Variants in GPM6B observed in about 807,000 individuals in gnomAD.
GPM6B encodes neuronal membrane glycoprotein M6-b.
Under a neutral mutation model 27.2 loss-of-function variants are expected in GPM6B, and 4 were observed. That is an observed-to-expected ratio of 0.15 (90% CI 0.07 to 0.34). The LOEUF (loss-of-function observed/expected upper bound fraction) is 0.34. Among genes scored for constraint, GPM6B ranks in the 10% least tolerant of loss-of-function variants. The pLI is 1.00. For synonymous variants in GPM6B, 124 were observed against 103.1 expected, an observed-to-expected ratio of 1.20 and a Z score of -1.23; for missense variants, 183 against 261.9, an observed-to-expected ratio of 0.70 and a Z score of 2.08.
In GPM6B at chrX:13,811,470, A is replaced by G. The variant is rs188616276; in HGVS notation, c.62-3701T>C. 1.1e-3 allele frequency among the ~76,000 whole-genome samples: 121 copies of G among 112,171 alleles called. 1 individual carries two copies. Among genetic ancestry groups the G allele is most frequent in the African/African-American group, 3.7e-3 (114 of 30,688 alleles). On this transcript the variant is annotated intron_variant, in intron 1 of 7. Coordinates refer to ENST00000316715, the MANE Select transcript of GPM6B (RefSeq NM_001001995.3). ...GCTATATTTGTTATCTTTCATTTTTAGCTATTATTTAAAATATTAAGGAAT... is the reference window on the plus strand; with the variant it reads ...GCTATATTTGTTATCTTTCATTTTTGGCTATTATTTAAAATATTAAGGAAT...
intron 1 of GPM6B, among the ~76,000 whole-genome samples, chrX:13,829,286 C>T (rs983153580): frequency 9.0e-6 from 1 of 111,521 alleles, no homozygotes; most frequent in African/African-American, 3.3e-5. Context: ...CTTATGATAC[C>T]ATGTGACCTT....
chrX:13,891,588 G>A (rs760650793), intron 1 of GPM6B, among the ~76,000 whole-genome samples: 45 of 112,563 alleles, frequency 4.0e-4, no homozygotes, highest in Non-Finnish European at 5.6e-4. Flanking sequence ...GTCTGAGCTT[G>A]CAGTCCCCAA....
intron 1 of GPM6B, among the ~76,000 whole-genome samples, chrX:13,825,186 C>A (rs2049358350): frequency 9.0e-6 from 1 of 111,364 alleles, no homozygotes; most frequent in Non-Finnish European, 1.9e-5. Flanking sequence ...GTTAGGACTT[C>A]AACATATTTT....
At chrX:13,782,104 G>A (rs1336663791) in intron 4 of GPM6B, among the ~76,000 whole-genome samples, 5 of 112,162 alleles carry the variant, frequency 4.5e-5, no homozygotes, top group Admixed American at 9.4e-5. Context: ...TCTGTTAAGC[G>A]TATGGATGAA....
intron 1 of GPM6B, among the ~76,000 whole-genome samples, chrX:13,889,291 T>A (rs574439874): frequency 5.4e-5 from 6 of 111,744 alleles, no homozygotes; most frequent in East Asian, 2.8e-4. Context: ...TAAATACAAA[T>A]GTGTGGATAA....
chrX:13,916,285 T>C (rs2050427710), intron 1 of GPM6B, among the ~76,000 whole-genome samples: 1 of 112,235 alleles, frequency 8.9e-6, no homozygotes, highest in Non-Finnish European at 1.9e-5. Context: ...GTTCTCTTCC[T>C]ACACTGTCCC....
At position 13,796,265 on chromosome X, in the gene GPM6B, C is replaced by T. The variant is rs776635027; in HGVS notation, c.182-10457G>A. 9.0e-5 allele frequency among the ~76,000 whole-genome samples: 10 copies of T among 111,276 alleles called. No individual in the cohort carries two copies. In the East Asian group the frequency reaches 2.8e-3, roughly 31 times the overall value. On this transcript the variant is annotated intron_variant, in intron 2 of 7. Transcript: ENST00000316715. ...TGTATTTTCAGTAGAGATGGGGTTT[C>T]GCCATGTTGACCAGGCTGGTTTTGA...
chrX:13,896,757 G>A (rs1266083282), intron 1 of GPM6B, among the ~76,000 whole-genome samples: 3 of 110,463 alleles, frequency 2.7e-5, no homozygotes, highest in Non-Finnish European at 5.7e-5. Flanking sequence ...TAGTAGAGAC[G>A]GGGTTTCACC....
At chrX:13,930,373 G>C (rs958753549) in intron 1 of GPM6B, among the ~76,000 whole-genome samples, 91 of 111,640 alleles carry the variant, frequency 8.2e-4, no homozygotes, top group African/African-American at 2.7e-3. Flanking sequence ...CCAGCACTTT[G>C]GGAGGCCGAG....
intron 1 of GPM6B, among the ~76,000 whole-genome samples, chrX:13,932,251 T>A (rs780516511): frequency 3.6e-5 from 4 of 111,410 alleles, no homozygotes; most frequent in Non-Finnish European, 5.7e-5. Flanking sequence ...TTTACACATT[T>A]GTATCCAGGG....
chrX:13,863,449 G>A (rs2049875275), intron 1 of GPM6B, among the ~76,000 whole-genome samples: 1 of 111,536 alleles, frequency 9.0e-6, no homozygotes, highest in South Asian at 3.7e-4. Context: ...TGAAAACTAT[G>A]CTTGAAGACA....
upstream of GPM6B, among the ~76,000 whole-genome samples, chrX:13,818,383 G>A (rs1569233329): frequency 1.8e-5 from 2 of 111,252 alleles, no homozygotes; most frequent in African/African-American, 3.3e-5. Context: ...ATGGTTTCTT[G>A]CTCAACTCCT....
At chrX:13,927,753 C>G (rs992522318) in intron 1 of GPM6B, among the ~76,000 whole-genome samples, 13 of 112,779 alleles carry the variant, frequency 1.2e-4, no homozygotes, top group African/African-American at 3.9e-4. Context: ...GTATGCAACA[C>G]TTACAGCTTT....
At chrX:13,794,674 G>A (rs1478489634) in intron 2 of GPM6B, among the ~76,000 whole-genome samples, 3 of 111,917 alleles carry the variant, frequency 2.7e-5, no homozygotes, top group East Asian at 2.8e-4. Context: ...ACTACCACGC[G>A]CTCGCAAGAA....
rs200354374 is a variant in GPM6B, at chrX:13,836,552, CTA to C, written c.-197-50746_-197-50745del. On this transcript the variant is annotated intron_variant, in intron 1 of 6. Coordinates refer to the GPM6B transcript ENST00000398361. ...TTTAGAGTCAAGAGAAGCAAAGATG[CTA>C]TGTTTATTTATTTATGTATTTATTT... 6.6e-3 allele frequency among the ~76,000 whole-genome samples: 743 copies of C among 112,231 alleles called. 9 individuals carry two copies. The highest frequency in any genetic ancestry group is 0.022 in the African/African-American group (685 of 30,936).
intron 1 of GPM6B, among the ~76,000 whole-genome samples, chrX:13,906,860 C>A (rs1223478260): frequency 9.0e-6 from 1 of 111,697 alleles, no homozygotes; most frequent in Non-Finnish European, 1.9e-5. Context: ...CTCAACAGAT[C>A]CCTCTTTTAC....
intron 1 of GPM6B, among the ~76,000 whole-genome samples, chrX:13,809,888 G>C (rs1210935957): frequency 1.1e-5 from 1 of 87,129 alleles, no homozygotes; most frequent in Admixed American, 1.6e-4. Context: ...AGTGAGTTGA[G>C]ATCGCGCCAC....
intron 1 of GPM6B, among the ~76,000 whole-genome samples, chrX:13,899,375 C>T (rs963551997): frequency 7.8e-5 from 7 of 90,291 alleles, no homozygotes; most frequent in Non-Finnish European, 6.3e-5. Context: ...GGTGCCACTC[C>T]AGCCTGGATG....
At chrX:13,809,926 A>AAT (rs2147184108) in intron 1 of GPM6B, among the ~76,000 whole-genome samples, 1 of 90,745 alleles carries the variant, frequency 1.1e-5, no homozygotes, top group East Asian at 3.7e-4. Context: ...AAAAAAAAAA[A>AAT]AAAAAAGAGT....
Sources: allele counts gnomAD v4.1 joint callset (sites outside exome capture counted in the v4.1 genomes callset), GRCh38; gene constraint gnomAD v4.1.1; transcripts MANE v1.5; gene names NCBI Gene and HGNC (gene_info 2026-07-23, HGNC 2026-07-21).